Variants in LUZP1 observed in about 807,000 individuals in gnomAD.
The protein encoded by LUZP1 is filamin mechanobinding actin cross-linking protein.
Under a neutral mutation model 71.3 loss-of-function variants are expected in LUZP1, and 25 were observed. The observed-to-expected ratio is 0.35, with a 90% CI of 0.26 to 0.49. The LOEUF (loss-of-function observed/expected upper bound fraction) is 0.49. Ranked by LOEUF, LUZP1 falls within the 20% of genes least tolerant of loss-of-function variation. LUZP1 has a pLI of 0.99. For missense variants in LUZP1, 1,142 were observed against 1,300.8 expected, an observed-to-expected ratio of 0.88 and a Z score of 1.88; for synonymous variants, 481 against 506.4, an observed-to-expected ratio of 0.95 and a Z score of 0.67.
At chr1:23,132,570 T>A (rs979796429) in intron 2 of LUZP1, among the ~76,000 whole-genome samples, 20 of 151,662 alleles carry the variant, frequency 1.3e-4, no homozygotes, top group African/African-American at 4.8e-4. Flanking sequence ...CATCTGAATA[T>A]GGGCTGATAA....
intron 2 of LUZP1, among the ~76,000 whole-genome samples, chr1:23,130,339 T>C (rs1644204399): frequency 6.6e-6 from 1 of 152,198 alleles, no homozygotes; most frequent in Admixed American, 6.5e-5. Flanking sequence ...TGTGTATGTG[T>C]TTATGTCATA....
chr1:23,172,180 C>T (rs956350963), intron 1 of LUZP1, among the ~76,000 whole-genome samples: 3 of 152,170 alleles, frequency 2.0e-5, no homozygotes, highest in Admixed American at 6.5e-5. Flanking sequence ...CTCATCCTCC[C>T]AGCAAGACCT....
At chr1:23,091,625 A>G (rs1643856124) in exon 4 of LUZP1, 1 of 1,614,100 alleles carries the variant, frequency 6.2e-7, no homozygotes, top group African/African-American at 1.3e-5. Context: ...GCTTGATTAT[A>G]ATGCTGCTCC....
intron 2 of LUZP1, among the ~76,000 whole-genome samples, chr1:23,148,722 G>T (rs901352365): frequency 2.0e-5 from 3 of 152,090 alleles, no homozygotes; most frequent in Non-Finnish European, 2.9e-5. Flanking sequence ...TCTCATTTAG[G>T]ACACTAATTG....
intron 4 of LUZP1, 23 bp downstream of exon 3, chr1:23,091,167 A>G: frequency 6.4e-7 from 1 of 1,572,484 alleles, no homozygotes; most frequent in African/African-American, 1.4e-5. Flanking sequence ...GAAAAGAGAG[A>G]GGGGAGAGAG....
At chr1:23,091,984 T>G in exon 4 of LUZP1, 1 of 1,614,172 alleles carries the variant, frequency 6.2e-7, no homozygotes, top group Non-Finnish European at 8.5e-7. Context: ...TTATCAACAA[T>G]AACAGGTTTG....
chr1:23,093,951 C>T lies in LUZP1; in HGVS notation c.311G>A (p.Arg104Gln), dbSNP rs761574523. 2.7e-5 allele frequency: 43 copies of T among 1,614,072 alleles called. No individual in the cohort carries two copies. The highest frequency in any genetic ancestry group is 6.7e-5 in the Admixed American group (4 of 60,004). Residue 104 changes from arginine to glutamine, a missense_variant, in exon 4 of 5, where the codon CGG becomes CAG. Physicochemically the swap from Arg to Gln is conservative, Grantham distance 43. Coordinates refer to ENST00000302291, the Ensembl canonical transcript of LUZP1. The surrounding 1 kb of genome is among the most constrained non-coding windows in gnomAD (Gnocchi z 4.2). Reference sequence around the variant, plus strand: ...CCGCTCAATCTCAGATTTCAGCTCCCGGGTGAGGTTTTCTTCCTCTTCAAG... The same window carrying T: ...CCGCTCAATCTCAGATTTCAGCTCCTGGGTGAGGTTTTCTTCCTCTTCAAG...
intron 3 of LUZP1, among the ~76,000 whole-genome samples, chr1:23,105,448 T>C (rs1252295332): frequency 6.6e-6 from 1 of 152,210 alleles, no homozygotes; most frequent in Non-Finnish European, 1.5e-5. Context: ...CAGCCTAAGT[T>C]CAAACCCTGA....
chr1:23,099,451 A>G (rs532902601), intron 3 of LUZP1, among the ~76,000 whole-genome samples: 17 of 143,004 alleles, frequency 1.2e-4, no homozygotes, highest in Non-Finnish European at 2.3e-4. Context: ...TGATAAATAA[A>G]GCATATCTCA....
intron 2 of LUZP1, among the ~76,000 whole-genome samples, chr1:23,145,468 CTTTTTT>C (rs869293750): frequency 3.0e-5 from 4 of 135,120 alleles, no homozygotes; most frequent in Admixed American, 2.3e-4. Context: ...CTATTAATCT[CTTTTTT>C]TTTTTTTTTT....
intron 1 of LUZP1, among the ~76,000 whole-genome samples, chr1:23,169,198 A>AAAT (rs1222450311): frequency 6.6e-6 from 1 of 152,096 alleles, no homozygotes; most frequent in Non-Finnish European, 1.5e-5. Context: ...ATCTCTATAA[A>AAAT]AAATACAAAA....
chr1:23,107,716 C>T (rs760600600), intron 3 of LUZP1, among the ~76,000 whole-genome samples: 2 of 152,110 alleles, frequency 1.3e-5, no homozygotes, highest in Admixed American at 1.3e-4. Context: ...ACAGGAGAAT[C>T]GCTTGAGCCC....
At chr1:23,177,439 C>T (rs1051594823) in intron 1 of LUZP1, 1 of 152,234 alleles carries the variant, frequency 6.6e-6, no homozygotes, top group Non-Finnish European at 1.5e-5. Flanking sequence ...GAAACAGACC[C>T]CGAGTTGCAT....
intron 3 of LUZP1, among the ~76,000 whole-genome samples, chr1:23,106,759 G>C (rs1052855113): frequency 6.6e-6 from 1 of 152,086 alleles, no homozygotes; most frequent in Admixed American, 6.6e-5. Context: ...CCCTGCCCTG[G>C]ACTACTGATT....
chr1:23,119,232 C>T (rs180987095), intron 2 of LUZP1, among the ~76,000 whole-genome samples: 186 of 146,114 alleles, frequency 1.3e-3, no homozygotes, highest in Middle Eastern at 7.2e-3. Context: ...TTTTTTTTAA[C>T]GACCTGATGT....
At chr1:23,113,745 T>A (rs1644054538) in intron 2 of LUZP1, among the ~76,000 whole-genome samples, 1 of 151,992 alleles carries the variant, frequency 6.6e-6, no homozygotes, top group African/African-American at 2.4e-5. Context: ...CCGGGTGTTG[T>A]GGCGCGCGCC....
chr1:23,136,561 A>C (rs544694314), intron 2 of LUZP1, among the ~76,000 whole-genome samples: 1 of 152,072 alleles, frequency 6.6e-6, no homozygotes, highest in Non-Finnish European at 1.5e-5. Context: ...CTCTGAAAAA[A>C]TTACATAATA....
At chr1:23,167,500 G>GTC (rs10683530) in intron 2 of LUZP1, among the ~76,000 whole-genome samples, 88,939 of 151,842 alleles carry the variant, frequency 0.59, 28,857 homozygotes, top group African/African-American at 0.88. Context: ...GCTGCAGGCA[G>GTC]TCTGGCCTTC....
At chr1:23,117,506 C>CGG (rs1644092604) in intron 2 of LUZP1, among the ~76,000 whole-genome samples, 2 of 39,692 alleles carry the variant, frequency 5.0e-5, no homozygotes, top group Non-Finnish European at 8.3e-5. Context: ...TCAGGAAGCC[C>CGG]TGGGGGGGGG....
Sources: gnomAD v4.1 joint callset for allele counts (sites outside exome capture counted in the v4.1 genomes callset) on GRCh38, gnomAD v4.1.1 for gene constraint, Gnocchi (gnomAD v3.1) non-coding constraint, MANE v1.5 for transcripts, NCBI Gene and HGNC (gene_info 2026-07-23, HGNC 2026-07-21) for gene names.